The following GLB1L2 variants were observed in gnomAD, a reference collection of about 807,000 sequenced individuals.
The protein encoded by GLB1L2 is beta-galactosidase-1-like protein 2.
A neutral mutation model predicts 84.1 loss-of-function variants in GLB1L2; 68 were observed. The ratio of observed to expected loss-of-function variants is 0.81; its 90% CI spans 0.67 to 0.99. The LOEUF (loss-of-function observed/expected upper bound fraction) is 0.99, where lower values mean the gene tolerates loss of function less well. GLB1L2 is among the 50% of genes least tolerant of loss of function. The probability of loss-of-function intolerance (pLI) is 0.00; values close to 1 mark genes in which losing one functional copy is unlikely to be tolerated. For synonymous variants in GLB1L2, 290 were observed against 318.0 expected, an observed-to-expected ratio of 0.91 and a Z score of 0.94; for missense variants, 762 against 805.6, an observed-to-expected ratio of 0.95 and a Z score of 0.66.
Position 134,365,736 on chromosome 11 carries a change from G to A in GLB1L2, c.804+1338G>A, listed in dbSNP as rs112770282. Among the ~76,000 whole-genome samples, 548 of 152,292 alleles carry A rather than the reference G, an allele frequency of 3.6e-3. 5 individuals carry two copies. Among genetic ancestry groups the A allele is most frequent in the African/African-American group, 0.012 (502 of 41,554 alleles). Reference sequence around the variant, plus strand: ...CCTGCTGAAGGGCTTTATGTGCGCAGTCCAGAGATGTCTGTTTTCCTGAAG... The same window carrying A: ...CCTGCTGAAGGGCTTTATGTGCGCAATCCAGAGATGTCTGTTTTCCTGAAG... On this transcript the variant is annotated intron_variant, in intron 8 of 18. Coordinates refer to ENST00000535456, the MANE Select transcript of GLB1L2 (RefSeq NM_001370461.1).
At chr11:134,369,477 G>A (rs997741012) in intron 10 of GLB1L2, among the ~76,000 whole-genome samples, 21 of 143,876 alleles carry the variant, frequency 1.5e-4, no homozygotes, top group African/African-American at 5.3e-4. Context: ...TTACAGGTGC[G>A]AGCTGCTGCA....
At chr11:134,368,015 GC>G (rs1475827118) in intron 9 of GLB1L2, among the ~76,000 whole-genome samples, 1 of 152,158 alleles carries the variant, frequency 6.6e-6, no homozygotes, top group Non-Finnish European at 1.5e-5. Flanking sequence ...GTGCATGCTC[GC>G]CCCTCAGCCC....
intron 8 of GLB1L2, chr11:134,365,054 T>TC (rs1943848832): frequency 6.6e-6 from 1 of 152,624 alleles, no homozygotes; most frequent in Non-Finnish European, 1.5e-5. Flanking sequence ...CCACGCTGCA[T>TC]CGTCACACTG....
rs1175388801 is a variant in GLB1L2 at position 134,334,989 on chromosome 11, A to C, written c.86+2842A>C. 6.6e-6 allele frequency among the ~76,000 whole-genome samples: 1 copy of C among 152,152 alleles called. No homozygotes were observed. ...CGAGCAAGAATACAGGCAACGCTGC[A>C]TCTCTCATACCTGAAATTTTAGCTG... On this transcript the variant is annotated intron_variant, in intron 1 of 18. Transcript: ENST00000535456. The surrounding 1 kb of genome is among the most constrained non-coding windows in gnomAD (Gnocchi z 4.1).
At position 134,371,011 on chromosome 11, in the gene GLB1L2, A is replaced by G. The variant is rs768495173; in HGVS notation, c.1219A>G (p.Ile407Val). 40 of 1,613,922 alleles carry G rather than the reference A, an allele frequency of 2.5e-5. No homozygotes were observed. In the East Asian group the frequency reaches 4.5e-4, roughly 18 times the overall value. The change falls in exon 13 of 19, where the codon ATC (isoleucine) becomes GTC (valine). Residue 407 changes from isoleucine to valine, a missense_variant. Transcript: ENST00000535456. ...CCTCCATCTCTTCTGTACGCAGCCA[A>G]TCAAGTCTGAAAAGCCCATCAACAT... ...WDALKYLGEP[I>V]KSEKPINMEN...
intron 1 of GLB1L2, among the ~76,000 whole-genome samples, chr11:134,341,202 G>A (rs948471116): frequency 1.3e-5 from 2 of 152,150 alleles, no homozygotes; most frequent in African/African-American, 4.8e-5. Context: ...TCTCTAATAC[G>A]CAAACACATG....
At chr11:134,359,194 GTGCACGCTCCC>G in intron 7 of GLB1L2, 53 bp downstream of exon 7, 1 of 1,313,408 alleles carries the variant, frequency 7.6e-7, no homozygotes, top group Non-Finnish European at 1.1e-6. Flanking sequence ...TGGGCTGGCT[GTGCACGCTCCC>G]GCTGTGGGAC....
intron 2 of GLB1L2, among the ~76,000 whole-genome samples, chr11:134,343,784 T>A (rs1943505197): frequency 6.6e-6 from 1 of 152,202 alleles, no homozygotes; most frequent in Non-Finnish European, 1.5e-5. Context: ...AGCTCGTGTG[T>A]CTGGGTTGGA....
intron 11 of GLB1L2, 99 bp downstream of exon 11, chr11:134,369,984 G>T: frequency 1.0e-6 from 1 of 958,808 alleles, no homozygotes; most frequent in Non-Finnish European, 1.6e-6. Flanking sequence ...CTCGACCCCA[G>T]TTGATCTGCG....
chr11:134,374,299 C>T (rs1943996642), intron 17 of GLB1L2, 43 bp downstream of exon 17: 9 of 1,455,550 alleles, frequency 6.2e-6, no homozygotes, highest in Non-Finnish European at 4.8e-6. Context: ...CCACCTGCCT[C>T]CCGCCTTGGA....
intron 7 of GLB1L2, among the ~76,000 whole-genome samples, chr11:134,363,873 C>CTTAT (rs950967979): frequency 1.3e-5 from 2 of 152,178 alleles, no homozygotes; most frequent in South Asian, 2.1e-4. Context: ...TCCTGGCTGA[C>CTTAT]TTATTTATTT....
At position 134,342,864 on chromosome 11, in the gene GLB1L2, GC is replaced by G. The variant is rs766613327; in HGVS notation, c.198del (p.Ser67ProfsTer17). 1 of 1,613,892 alleles carries G rather than the reference GC, an allele frequency of 6.2e-7. No individual in the cohort carries two copies. Among genetic ancestry groups the G allele is most frequent in the Non-Finnish European group, 8.5e-7 (1 of 1,180,040 alleles). ...LEDSTFWIFG[G>X]SIHYFRVPRE... is the part of the protein sequence containing the mutation. ...GATTCCACCTTCTGGATCTTCGGGG[GC>G]TCCATCCACTATTTCCGTGTGCCCA... On this transcript the variant is annotated frameshift_variant, in exon 2 of 19. Transcript: ENST00000535456. LOFTEE classifies it high-confidence loss of function.
At chr11:134,337,363 CA>C (rs1398304546) in intron 1 of GLB1L2, among the ~76,000 whole-genome samples, 12 of 152,322 alleles carry the variant, frequency 7.9e-5, no homozygotes, top group African/African-American at 2.6e-4. Flanking sequence ...GGGCCCAGAC[CA>C]AGGAGCACAT....
chr11:134,332,097 C>T lies in GLB1L2; in HGVS notation c.36C>T (p.Arg12=). The T allele has an allele frequency of 6.3e-7, 1 of 1,590,258 alleles. No homozygotes were observed. Among genetic ancestry groups the T allele is most frequent in the Non-Finnish European group, 8.5e-7 (1 of 1,170,290 alleles). The stretch of plus-strand genomic sequence containing the variant: ...GGAGCCTCCGGCGGAGGCCGGCCCG[C>T]ACGCTGGGACTCCTGCTGCTGGTCG... The part of the protein sequence containing the change: ...TTWSLRRRPA[R]TLGLLLLVVL... Residue 12 remains arginine, a synonymous_variant, in exon 1 of 19, where the codon CGC becomes CGT. Transcript: ENST00000535456.
Position 134,344,469 on chromosome 11 carries a change from C to T in GLB1L2, c.353+14C>T, listed in dbSNP as rs761494836. On this transcript the variant is annotated intron_variant, in intron 3 of 18. Transcript: ENST00000535456. ...CCTGGACCTGGAGTATGTGGTGTTG[C>T]TGCTTCTGTGAACTGGCCAGGGGCA... 4 of 1,611,862 alleles carry T rather than the reference C, an allele frequency of 2.5e-6. No individual in the cohort carries two copies. In the South Asian group the frequency reaches 3.3e-5, roughly 13 times the overall value.
At chr11:134,351,843 A>G (rs572935425) in intron 5 of GLB1L2, among the ~76,000 whole-genome samples, 1 of 152,290 alleles carries the variant, frequency 6.6e-6, no homozygotes, top group South Asian at 2.1e-4. Context: ...TAATAAAAGA[A>G]AAAAGTGTCA....
In GLB1L2 at chr11:134,375,237, G is replaced by A. The variant is rs1299172304; in HGVS notation, c.*179G>A. The stretch of plus-strand genomic sequence containing the variant: ...CAAAACCCTAAGCCTGCAGGGAAAG[G>A]TGGGATGGCTCTGGGCCTGGCTTTG... On this transcript the variant is annotated 3_prime_UTR_variant, in exon 19 of 19. Coordinates refer to ENST00000535456, the MANE Select transcript of GLB1L2 (RefSeq NM_001370461.1). 3 of 577,566 alleles carry A rather than the reference G, an allele frequency of 5.2e-6. No homozygotes were observed. The highest frequency in any genetic ancestry group is 3.0e-5 in the East Asian group (1 of 33,734). The allele number at this position is 577,566 out of a possible 1,614,324, so 35.8% of individuals were successfully genotyped here.
In GLB1L2 at chr11:134,373,937, T is replaced by C. The variant is rs1419877058; in HGVS notation, c.1595+129T>C. The C allele has an allele frequency of 1.1e-4, 88 of 788,822 alleles. 1 individual carries two copies. The East Asian group carries it at 2.1e-3, about 19-fold the overall frequency. 48.9% of individuals were successfully genotyped at this position (788,822 alleles called of 1,614,324 possible). On this transcript the variant is annotated intron_variant, in intron 16 of 18. Coordinates refer to ENST00000535456, the MANE Select transcript of GLB1L2 (RefSeq NM_001370461.1). ...GAACGCCTCCAGGGGCCAGATCGGC[T>C]GGCCGAGGTGAGGGGTGGCACCCGC...
At chr11:134,355,959 C>T in intron 5 of GLB1L2, 1 of 483,284 alleles carries the variant, frequency 2.1e-6, no homozygotes. Flanking sequence ...CCACACCATG[C>T]TACATTGGGG....
Sources: allele counts gnomAD v4.1 joint callset (sites outside exome capture counted in the v4.1 genomes callset), GRCh38; gene constraint gnomAD v4.1.1; non-coding constraint Gnocchi (gnomAD v3.1); transcripts MANE v1.5; gene names NCBI Gene and HGNC (gene_info 2026-07-23, HGNC 2026-07-21).